The following ATP7B variants were observed in gnomAD, a reference collection of about 807,000 sequenced individuals.
ATP7B encodes the protein copper-transporting ATPase 2.
ATP7B carries 113 observed loss-of-function variants against 118.9 expected under a neutral mutation model. That is an observed-to-expected ratio of 0.95 (90% CI 0.82 to 1.11). ATP7B has a LOEUF of 1.11. Among genes scored for constraint, ATP7B ranks in the 50% most tolerant of loss-of-function variants. The pLI, the probability that ATP7B is intolerant of heterozygous loss-of-function variation, is 0.00. For synonymous variants in ATP7B, 777 were observed against 727.4 expected (o/e 1.07, Z -1.10); for missense variants, 1,867 against 1,871.4 (o/e 1.00, Z 0.04).
intron 3 of ATP7B, among the ~76,000 whole-genome samples, chr13:51,968,813 C>T (rs1951698166): frequency 6.6e-6 from 1 of 152,138 alleles, no homozygotes; most frequent in Admixed American, 6.5e-5. Flanking sequence ...CCCAGACCAA[C>T]CAAATCAGAG....
Position 51,937,505 on chromosome 13 carries a change from T to C in ATP7B, c.3874A>G (p.Ile1292Val), listed in dbSNP as rs200718740. Residue 1292 changes from isoleucine to valine, a missense_variant, in exon 18 of 21, where the codon ATC becomes GTC. Coordinates refer to ENST00000242839, the MANE Select transcript of ATP7B (RefSeq NM_000053.4). The part of the protein sequence containing the change: ...VAIGTGTDVA[I>V]EAADVVLIRN... Reference sequence around the variant, plus strand: ...ATAAGGACGACGTCGGCTGCCTCGATGGCCACATCCGTGCCGGTGCCAATG... The same window carrying C: ...ATAAGGACGACGTCGGCTGCCTCGACGGCCACATCCGTGCCGGTGCCAATG... The C allele has an allele frequency of 2.7e-5, 44 of 1,613,958 alleles. No individual in the cohort carries two copies. The highest frequency in any genetic ancestry group is 3.5e-5 in the Non-Finnish European group (41 of 1,179,966).
rs9989082 is a variant in ATP7B at position 51,955,005 on chromosome 13, G to A, written c.2447+2511C>T. The stretch of plus-strand genomic sequence containing the variant: ...GAGACTAAGCAGCAGCAGCAGCAAG[G>A]AAACTACAGTGTGCCAGACGGATCG... On this transcript the variant is annotated intron_variant, in intron 9 of 20. Coordinates refer to ENST00000242839, the MANE Select transcript of ATP7B (RefSeq NM_000053.4). 4.6e-3 allele frequency among the ~76,000 whole-genome samples: 694 copies of A among 152,324 alleles called. 6 individuals carry two copies. Among genetic ancestry groups the A allele is most frequent in the African/African-American group, 0.015 (624 of 41,568 alleles).
At chr13:51,940,814 A>G (rs1256710633) in intron 16 of ATP7B, among the ~76,000 whole-genome samples, 2 of 152,132 alleles carry the variant, frequency 1.3e-5, no homozygotes, top group African/African-American at 4.8e-5. Flanking sequence ...CACCTGGACA[A>G]GAGCAATGAT....
chr13:51,973,909 G>A, intron 2 of ATP7B, 26 bp downstream of exon 2: 1 of 1,614,122 alleles, frequency 6.2e-7, no homozygotes, highest in Non-Finnish European at 8.5e-7. Flanking sequence ...GACAAGCTCA[G>A]GACATGCCTC....
At chr13:51,952,281 T>C (rs1958057466) in intron 9 of ATP7B, among the ~76,000 whole-genome samples, 1 of 152,212 alleles carries the variant, frequency 6.6e-6, no homozygotes, top group Non-Finnish European at 1.5e-5. Flanking sequence ...ACTAAAAGCA[T>C]GGCATGGGCC....
chr13:51,969,900 G>A (rs945934928), intron 3 of ATP7B, among the ~76,000 whole-genome samples: 1 of 152,138 alleles, frequency 6.6e-6, no homozygotes, highest in Non-Finnish European at 1.5e-5. Context: ...CACATCACTG[G>A]GGTAAGAAAA....
Position 51,957,600 on chromosome 13 carries a change from G to A in ATP7B, c.2363C>T (p.Thr788Ile), listed in dbSNP as rs541408630. Residue 788 changes from threonine to isoleucine, a missense_variant, in exon 9 of 21, where the codon ACC becomes ATC. Physicochemically the swap from Thr to Ile is moderately conservative, Grantham distance 89 (BLOSUM62 -1). Transcript: ENST00000242839. ...RWLEHLAKSK[T>I]SEALAKLMSL... Reference sequence around the variant, plus strand: ...CATGAGTTTAGCCAGGGCTTCTGAGGTTTTGCTCTAGGAAATAACCAGAAT... The same window carrying A: ...CATGAGTTTAGCCAGGGCTTCTGAGATTTTGCTCTAGGAAATAACCAGAAT... 7.4e-6 allele frequency: 12 copies of A among 1,614,086 alleles called. No individual in the cohort carries two copies. Among genetic ancestry groups the A allele is most frequent in the South Asian group, 5.5e-5 (5 of 91,078 alleles).
chr13:51,964,345 A>C (rs938649238), intron 5 of ATP7B, among the ~76,000 whole-genome samples: 1 of 152,218 alleles, frequency 6.6e-6, no homozygotes, highest in Admixed American at 6.5e-5. Flanking sequence ...TAAAATGTAA[A>C]AAGGAAATAG....
At chr13:51,944,324 A>G (rs1285884180) in intron 13 of ATP7B, 33 bp from the exon 14 acceptor site, 5 of 1,612,546 alleles carry the variant, frequency 3.1e-6, no homozygotes, top group African/African-American at 2.7e-5. Context: ...ACTGACCACA[A>G]TACAGATGGA....
intron 4 of ATP7B, among the ~76,000 whole-genome samples, chr13:51,965,797 G>A (rs1438366013): frequency 6.6e-6 from 1 of 152,232 alleles, no homozygotes; most frequent in Non-Finnish European, 1.5e-5. Flanking sequence ...CTAAAGTGTT[G>A]CTAAGCTAGC....
rs1593689049 is a variant in ATP7B, at chr13:51,948,385, G to A, written c.2865+1277C>T. On this transcript the variant is annotated intron_variant, in intron 12 of 20. Transcript: ENST00000242839. ...CTGCCTTAGCCTCCCAAGTAGCTGA[G>A]TCTACAGGTGCATCACCACACCCAG... Among the ~76,000 whole-genome samples the A allele has an allele frequency of 2.6e-5, 4 of 152,234 alleles. No individual in the cohort carries two copies. The South Asian group carries it at 8.3e-4, about 32-fold the overall frequency.
At position 51,960,480 on chromosome 13, in the gene ATP7B, T is replaced by C. The variant is rs370770801; in HGVS notation, c.1947-158A>G. On this transcript the variant is annotated intron_variant, in intron 6 of 20. Transcript: ENST00000242839. The stretch of plus-strand genomic sequence containing the variant: ...AATGAAAGTAAGAACTCTCTCTCTC[T>C]GACACTGGCCATCTGAGGGAGCATC... 1.2e-4 allele frequency among the ~76,000 whole-genome samples: 18 copies of C among 152,322 alleles called. No individual in the cohort carries two copies. The East Asian group carries it at 2.7e-3, about 23-fold the overall frequency.
rs1403129366 is a variant in ATP7B, at chr13:51,950,286, T to C, written c.2561A>G (p.Glu854Gly). The change falls in exon 10 of 21, where the codon GAG becomes GGG. Residue 854 changes from glutamate to glycine, a missense_variant. Glu to Gly is a moderately conservative substitution (Grantham distance 98). Coordinates refer to ENST00000242839, the MANE Select transcript of ATP7B (RefSeq NM_000053.4). ...AGCCATCTCACCTGTGATGAGGGAC[T>C]CATCAGCCATGGTATTGCCTTCCAG... The part of the protein sequence containing the change: ...KVLEGNTMAD[E>G]SLITGEAMPV... The C allele has an allele frequency of 6.2e-7, 1 of 1,614,166 alleles. No individual in the cohort carries two copies. Among genetic ancestry groups the C allele is most frequent in the Admixed American group, 1.7e-5 (1 of 60,024 alleles).
intron 1 of ATP7B, among the ~76,000 whole-genome samples, chr13:52,010,460 AACAGAACGTCC>A (rs1953968361): frequency 6.6e-6 from 1 of 152,226 alleles, no homozygotes; most frequent in Non-Finnish European, 1.5e-5. Context: ...AAAAGTAGCA[AACAGAACGTCC>A]ACCACTAGGA....
chr13:51,996,652 A>T (rs1339599494), intron 1 of ATP7B, among the ~76,000 whole-genome samples: 1 of 152,190 alleles, frequency 6.6e-6, no homozygotes. Flanking sequence ...TAGGTTGCCC[A>T]CAGTGACGCT....
At chr13:51,960,350 A>AT in intron 6 of ATP7B, 28 bp from the exon 7 acceptor site, 1 of 1,608,644 alleles carries the variant, frequency 6.2e-7, no homozygotes, top group Non-Finnish European at 8.5e-7. Flanking sequence ...CAACACAGAT[A>AT]TATCAGATGC....
chr13:51,962,361 G>A (rs993516978), intron 5 of ATP7B, among the ~76,000 whole-genome samples: 1 of 152,204 alleles, frequency 6.6e-6, no homozygotes, highest in African/African-American at 2.4e-5. Flanking sequence ...GGCTCCTTCA[G>A]CATTTGGAAG....
chr13:51,961,231 A>G (rs890190068), intron 6 of ATP7B, among the ~76,000 whole-genome samples: 6 of 151,750 alleles, frequency 4.0e-5, no homozygotes, highest in African/African-American at 9.7e-5. Flanking sequence ...ACTCTTTCTC[A>G]GCCAGACTAT....
At chr13:52,008,072 G>C (rs962307898) in intron 1 of ATP7B, among the ~76,000 whole-genome samples, 1 of 151,910 alleles carries the variant, frequency 6.6e-6, no homozygotes, top group Non-Finnish European at 1.5e-5. Flanking sequence ...CAGGCACAGT[G>C]GCCTCACGCC....
Sources: gnomAD v4.1 joint callset for allele counts (sites outside exome capture counted in the v4.1 genomes callset) on GRCh38, gnomAD v4.1.1 for gene constraint, MANE v1.5 for transcripts, NCBI Gene and HGNC (gene_info 2026-07-23, HGNC 2026-07-21) for gene names.